Variants in PNKD observed in about 807,000 individuals in gnomAD.
The protein encoded by PNKD is PNKD metallo-beta-lactamase domain containing.
PNKD carries 36 observed loss-of-function variants against 45.3 expected under a neutral mutation model. The ratio of observed to expected loss-of-function variants is 0.80; its 90% CI spans 0.61 to 1.05. The LOEUF is 1.05. Among genes scored for constraint, PNKD ranks in the 50% least tolerant of loss-of-function variants. The probability of loss-of-function intolerance (pLI) is 0.00; values close to 1 mark genes in which losing one functional copy is unlikely to be tolerated. For synonymous variants in PNKD, 197 were observed against 210.1 expected (o/e 0.94, Z 0.54); for missense variants, 511 against 506.6 (o/e 1.01, Z -0.08).
intron 2 of PNKD, chr2:218,276,127 A>G: frequency 6.3e-7 from 1 of 1,582,694 alleles, no homozygotes; most frequent in Non-Finnish European, 8.6e-7. Context: ...TCAGCAAACC[A>G]CAGGCCCACA....
chr2:218,316,268 C>CTTTCTT (rs1553668132), intron 2 of PNKD, among the ~76,000 whole-genome samples: 14 of 119,584 alleles, frequency 1.2e-4, no homozygotes, highest in African/African-American at 4.2e-4. Flanking sequence ...TTCTTTCTTT[C>CTTTCTT]TTTTTTTTTT....
rs549420537 is a variant in PNKD at position 218,302,892 on chromosome 2, G to A, written c.236+31343G>A. Among the ~76,000 whole-genome samples, 7 of 152,150 alleles carry A rather than the reference G, an allele frequency of 4.6e-5. No individual in the cohort carries two copies. The South Asian group carries it at 1.5e-3, about 32-fold the overall frequency. On this transcript the variant is annotated intron_variant, in intron 2 of 9. Transcript: ENST00000273077. ...TTTAAAAATTTTCTGATTGGCAATT[G>A]ATTAAAAGAGTTACCTAAAGGCCTG...
chr2:218,343,131 T>C (rs1346793529), intron 7 of PNKD, among the ~76,000 whole-genome samples: 1 of 147,956 alleles, frequency 6.8e-6, no homozygotes, highest in Admixed American at 6.7e-5. Flanking sequence ...GGTGAGTGGG[T>C]GGGTGAGGAT....
chr2:218,298,218 A>G (rs898495541), intron 2 of PNKD, among the ~76,000 whole-genome samples: 1 of 152,206 alleles, frequency 6.6e-6, no homozygotes, highest in Non-Finnish European at 1.5e-5. Context: ...AGGCAGGGCC[A>G]GCGAAATGCT....
intron 2 of PNKD, among the ~76,000 whole-genome samples, chr2:218,272,328 C>T (rs1233023351): frequency 1.3e-5 from 2 of 152,214 alleles, no homozygotes; most frequent in African/African-American, 4.8e-5. Context: ...GACCCAGCCA[C>T]ACTGGGCCTT....
In PNKD at chr2:218,326,022, G is replaced by A. The variant is rs555472561; in HGVS notation, c.237-13761G>A. Among the ~76,000 whole-genome samples, 10 of 152,022 alleles carry A rather than the reference G, an allele frequency of 6.6e-5. No individual in the cohort carries two copies. The East Asian group carries it at 1.9e-3, about 29-fold the overall frequency. ...TGCAGGAAACTGTAGGGGGGAAATG[G>A]GCAGGTGTTGGTGCTAGGGGTGCCT... is the stretch of plus-strand genomic sequence containing the variant. On this transcript the variant is annotated intron_variant, in intron 2 of 9. Coordinates refer to ENST00000273077, the MANE Select transcript of PNKD (RefSeq NM_015488.5). This position sits in a 1 kb window ranked among gnomAD's most constrained non-coding sequence, Gnocchi z 4.1.
intron 2 of PNKD, among the ~76,000 whole-genome samples, chr2:218,309,205 G>T (rs774892860): frequency 6.6e-6 from 1 of 151,998 alleles, no homozygotes; most frequent in East Asian, 1.9e-4. Context: ...TCACAGCCGG[G>T]TGTGGTGGCC....
intron 2 of PNKD, among the ~76,000 whole-genome samples, chr2:218,307,548 G>A (rs1199886912): frequency 6.6e-6 from 1 of 152,164 alleles, no homozygotes. Context: ...TCTGACAGGA[G>A]GTGGAGCTCA....
At chr2:218,300,551 C>CTT (rs60503613) in intron 2 of PNKD, among the ~76,000 whole-genome samples, 8,045 of 143,902 alleles carry the variant, frequency 0.056, 345 homozygotes, top group Middle Eastern at 0.091. Context: ...CTTTTCTTTT[C>CTT]TTTTTTTTTT....
At chr2:218,280,107 A>G in intron 2 of PNKD, 1 of 1,613,896 alleles carries the variant, frequency 6.2e-7, no homozygotes, top group Non-Finnish European at 8.5e-7. Flanking sequence ...TCTCCTCCCC[A>G]TCATAGCCAT....
chr2:218,299,910 C>T (rs886134024), intron 2 of PNKD, among the ~76,000 whole-genome samples: 5 of 152,058 alleles, frequency 3.3e-5, no homozygotes, highest in East Asian at 1.9e-4. Context: ...CGTGAGCCAC[C>T]GCGCCCGGCT....
In PNKD at chr2:218,341,972, G is replaced by A. The variant is rs531697897; in HGVS notation, c.618-9G>A. ...AATACCTTCTGTCCCCTGCTCCCTT[G>A]TTCCCCAGTCCCCTGTGTCATCAAG... On this transcript the variant is annotated splice_polypyrimidine_tract_variant and intron_variant, in intron 6 of 9. Coordinates refer to ENST00000273077, the MANE Select transcript of PNKD (RefSeq NM_015488.5). 8.7e-6 allele frequency: 14 copies of A among 1,610,406 alleles called. No individual in the cohort carries two copies. The East Asian group carries it at 2.7e-4, about 31-fold the overall frequency.
At chr2:218,308,930 CTCTT>C (rs1400025784) in intron 2 of PNKD, among the ~76,000 whole-genome samples, 3 of 151,976 alleles carry the variant, frequency 2.0e-5, no homozygotes, top group Non-Finnish European at 1.5e-5. Flanking sequence ...CTTTCTCTCT[CTCTT>C]TCTCTCTTTC....
chr2:218,344,609 G>C, intron 9 of PNKD, 39 bp downstream of exon 9: 1 of 1,529,510 alleles, frequency 6.5e-7, no homozygotes, highest in African/African-American at 1.4e-5. Context: ...GTGTGGGCAG[G>C]CACTCAGCCC....
intron 2 of PNKD, among the ~76,000 whole-genome samples, chr2:218,314,221 G>GGTTTTT (rs1693701207): frequency 1.8e-5 from 1 of 57,018 alleles, no homozygotes; most frequent in Admixed American, 2.3e-4. Context: ...CCGCGCCCTG[G>GGTTTTT]CTTTTTTTTT....
chr2:218,277,715 G>C (rs781350966), intron 2 of PNKD: 1 of 1,613,116 alleles, frequency 6.2e-7, no homozygotes, highest in South Asian at 1.1e-5. Flanking sequence ...AAAAAGGAAG[G>C]AAGGCAGGGT....
rs1426413911 is a variant in PNKD at position 218,326,304 on chromosome 2, T to G, written c.237-13479T>G. On this transcript the variant is annotated intron_variant, in intron 2 of 9. Coordinates refer to ENST00000273077, the MANE Select transcript of PNKD (RefSeq NM_015488.5). The surrounding 1 kb of genome is among the most constrained non-coding windows in gnomAD (Gnocchi z 4.1). ...TCCTTAACCATAACTACAATTGTCT[T>G]AGGATGAGGATAGCTGAGCACAGTG... is the stretch of plus-strand genomic sequence containing the variant. Among the ~76,000 whole-genome samples, 3 of 152,092 alleles carry G rather than the reference T, an allele frequency of 2.0e-5. No individual in the cohort carries two copies. Among genetic ancestry groups the G allele is most frequent in the Non-Finnish European group, 4.4e-5 (3 of 67,996 alleles).
chr2:218,276,014 G>T (rs771496510), intron 2 of PNKD: 1 of 1,609,868 alleles, frequency 6.2e-7, no homozygotes, highest in South Asian at 1.1e-5. Context: ...CTAGAGTGGG[G>T]CTGGGACTTA....
At position 218,315,057 on chromosome 2, in the gene PNKD, T is replaced by TCTTTCTTCCTTCCTTCCTTCCTTC. The variant is rs61429059; in HGVS notation, c.237-24723_237-24722insTCTTCCTTCCTTCCTTCCTTCCTT. ...CTTTCTTTTTCTTTCTTTCTTTCTT[T>TCTTTCTTCCTTCCTTCCTTCCTTC]CTTCCTTCCTTCCTTCCTTTCTTTC... On this transcript the variant is annotated intron_variant, in intron 2 of 9. Transcript: ENST00000273077. 4.5e-4 allele frequency among the ~76,000 whole-genome samples: 25 copies of TCTTTCTTCCTTCCTTCCTTCCTTC among 55,636 alleles called. 3 individuals carry two copies. The highest frequency in any genetic ancestry group is 6.2e-4 in the Non-Finnish European group (16 of 25,614). The allele number at this position is 55,636 out of a possible 152,430, so 36.5% of individuals were successfully genotyped here.
Sources: gnomAD v4.1 joint callset for allele counts (sites outside exome capture counted in the v4.1 genomes callset) on GRCh38, gnomAD v4.1.1 for gene constraint, Gnocchi (gnomAD v3.1) non-coding constraint, MANE v1.5 for transcripts, NCBI Gene and HGNC (gene_info 2026-07-23, HGNC 2026-07-21) for gene names.